DNM2: variants seen among roughly 807,000 people sequenced by gnomAD.
DNM2 encodes the protein dynamin-2.
DNM2 carries 15 observed loss-of-function variants against 99.0 expected under a neutral mutation model. The ratio of observed to expected loss-of-function variants is 0.15; its 90% CI spans 0.10 to 0.23. The LOEUF is 0.23. Ranked by LOEUF, DNM2 falls within the 10% of genes least tolerant of loss-of-function variation. The pLI is 1.00. For missense variants in DNM2, 742 were observed against 1,189.4 expected, an observed-to-expected ratio of 0.62 and a Z score of 5.53; for synonymous variants, 525 against 481.2, an observed-to-expected ratio of 1.09 and a Z score of -1.19.
chr19:10,763,965 G>C (rs1217821030), intron 2 of DNM2, among the ~76,000 whole-genome samples: 1 of 152,100 alleles, frequency 6.6e-6, no homozygotes, highest in Non-Finnish European at 1.5e-5. Context: ...AGTCTAGACT[G>C]TCTTCCAGGC....
chr19:10,774,350 A>G (rs917045894), intron 3 of DNM2, among the ~76,000 whole-genome samples: 3 of 152,250 alleles, frequency 2.0e-5, no homozygotes, highest in Admixed American at 6.5e-5. Context: ...CATGTAAGCA[A>G]TTGTGATTGT....
At chr19:10,753,600 G>A (rs1186520647) in intron 1 of DNM2, among the ~76,000 whole-genome samples, 1 of 151,830 alleles carries the variant, frequency 6.6e-6, no homozygotes, top group Non-Finnish European at 1.5e-5. Flanking sequence ...ATAGCAGCAT[G>A]GATAGGCCAT....
At position 10,830,274 on chromosome 19, in the gene DNM2, T is replaced by C; in HGVS notation, c.2439T>C (p.Pro813=). The change falls in exon 20 of 21, where the codon CCT becomes CCC. Residue 813 remains proline, a synonymous_variant. Transcript: ENST00000389253. This position sits in a 1 kb window ranked among gnomAD's most constrained non-coding sequence, Gnocchi z 4.8. The part of the protein sequence containing the change: ...SFSAPPIPSR[P]GPQSVFANSD... Reference sequence around the variant, plus strand: ...CGGCGCCCCCAATCCCATCCCGGCCTGGACCCCAGAGCGTGTTTGCCAACA... The same window carrying C: ...CGGCGCCCCCAATCCCATCCCGGCCCGGACCCCAGAGCGTGTTTGCCAACA... 1.2e-6 allele frequency: 2 copies of C among 1,613,902 alleles called. No homozygotes were observed. The highest frequency in any genetic ancestry group is 2.2e-5 in the East Asian group (1 of 44,866).
At chr19:10,752,867 G>A (rs773408885) in intron 1 of DNM2, among the ~76,000 whole-genome samples, 4 of 152,206 alleles carry the variant, frequency 2.6e-5, no homozygotes, top group Non-Finnish European at 5.9e-5. Flanking sequence ...GTGGCCTGGT[G>A]TGGTGGCTCA....
chr19:10,818,399 C>T lies in DNM2; in HGVS notation c.1672-1581C>T, dbSNP rs1004803427. Among the ~76,000 whole-genome samples, 5 of 152,242 alleles carry T rather than the reference C, an allele frequency of 3.3e-5. No individual in the cohort carries two copies. Among genetic ancestry groups the T allele is most frequent in the African/African-American group, 1.2e-4 (5 of 41,464 alleles). Reference sequence around the variant, plus strand: ...CGGGTGCTCATGGGCACCAGCTCTGCAGTGGGCACCAAGCTCCTCCATCCT... The same window carrying T: ...CGGGTGCTCATGGGCACCAGCTCTGTAGTGGGCACCAAGCTCCTCCATCCT... On this transcript the variant is annotated intron_variant, in intron 15 of 20. Coordinates refer to ENST00000389253, the MANE Select transcript of DNM2 (RefSeq NM_001005361.3). The surrounding 1 kb of genome is among the most constrained non-coding windows in gnomAD (Gnocchi z 4.3).
intron 1 of DNM2, among the ~76,000 whole-genome samples, chr19:10,726,106 C>T (rs978926321): frequency 1.3e-5 from 2 of 151,828 alleles, no homozygotes; most frequent in African/African-American, 4.8e-5. Flanking sequence ...GTAGTCCCAG[C>T]TGCTCGGGAG....
At position 10,817,500 on chromosome 19, in the gene DNM2, G is replaced by A; in HGVS notation, c.1672-2480G>A. ...GTAGTCTGAACACTGGGTTGGCGGGGCCGGCTATCCATCCTGCAGAACCCC... is the reference window on the plus strand; with the variant it reads ...GTAGTCTGAACACTGGGTTGGCGGGACCGGCTATCCATCCTGCAGAACCCC... On this transcript the variant is annotated intron_variant, in intron 15 of 20. Coordinates refer to ENST00000389253, the MANE Select transcript of DNM2 (RefSeq NM_001005361.3). This position sits in a 1 kb window ranked among gnomAD's most constrained non-coding sequence, Gnocchi z 4.6. The A allele has an allele frequency of 2.2e-6, 1 of 458,584 alleles. No individual in the cohort carries two copies. Among genetic ancestry groups the A allele is most frequent in the Non-Finnish European group, 4.5e-6 (1 of 222,584 alleles). The allele number at this position is 458,584 out of a possible 1,614,324, so 28.4% of individuals were successfully genotyped here.
intron 1 of DNM2, among the ~76,000 whole-genome samples, chr19:10,722,627 G>A (rs57579358): frequency 0.045 from 6,801 of 152,160 alleles, 177 homozygotes; most frequent in African/African-American, 0.069. Context: ...ACAGGCGTGA[G>A]CCACCGCGCC....
rs144218224 is a variant in DNM2, at chr19:10,799,333, CTT to C, written c.1422+762_1422+763del. ...TCCCACAACGTAAGGCCCATTGACT[CTT>C]GACTCCCTTCCTGCCACCCTTCTTC... On this transcript the variant is annotated intron_variant, in intron 11 of 20. Transcript: ENST00000389253. Among the ~76,000 whole-genome samples, 562 of 152,262 alleles carry C rather than the reference CTT, an allele frequency of 3.7e-3. 3 individuals are homozygous for C. Among genetic ancestry groups the C allele is most frequent in the African/African-American group, 0.012 (512 of 41,540 alleles).
chr19:10,741,799 C>T (rs1156691150), intron 1 of DNM2, among the ~76,000 whole-genome samples: 1 of 151,596 alleles, frequency 6.6e-6, no homozygotes, highest in East Asian at 1.9e-4. Context: ...GATCCACCCG[C>T]CTCTGCCTCC....
intron 2 of DNM2, chr19:10,769,195 C>G (rs2070896463): frequency 6.6e-6 from 1 of 152,428 alleles, no homozygotes; most frequent in African/African-American, 2.4e-5. Context: ...CTCATACAGC[C>G]TGTTATGATG....
chr19:10,745,561 G>A (rs954704602), intron 1 of DNM2, among the ~76,000 whole-genome samples: 2 of 152,190 alleles, frequency 1.3e-5, no homozygotes, highest in African/African-American at 2.4e-5. Context: ...GCTGGGCGTG[G>A]TGGCAAGTGC....
chr19:10,812,881 T>A lies in DNM2; in HGVS notation c.1671+504T>A, dbSNP rs554228865. Among the ~76,000 whole-genome samples, 14 of 152,286 alleles carry A rather than the reference T, an allele frequency of 9.2e-5. No homozygotes were observed. In the East Asian group the frequency reaches 2.7e-3, roughly 29 times the overall value. ...AGGCTTACATTGTACCTGGCCCCCA[T>A]GGGACCAGCTCCTAGAGTGCAAAAG... On this transcript the variant is annotated intron_variant, in intron 15 of 20. Transcript: ENST00000389253. The surrounding 1 kb of genome is among the most constrained non-coding windows in gnomAD (Gnocchi z 4.0).
intron 1 of DNM2, among the ~76,000 whole-genome samples, chr19:10,758,906 G>A (rs553077683): frequency 4.6e-5 from 7 of 152,106 alleles, no homozygotes; most frequent in South Asian, 2.1e-4. Flanking sequence ...CCGCGAAATC[G>A]ATCCATTTCA....
At chr19:10,747,660 T>G (rs1218106660) in intron 1 of DNM2, among the ~76,000 whole-genome samples, 2 of 152,230 alleles carry the variant, frequency 1.3e-5, no homozygotes, top group South Asian at 4.1e-4. Context: ...TGCCTGGGTG[T>G]GTGTTGGGTA....
At chr19:10,786,531 C>T (rs1021028961) in intron 6 of DNM2, 33 bp from the exon 7 acceptor site, 2 of 1,613,462 alleles carry the variant, frequency 1.2e-6, no homozygotes, top group African/African-American at 2.7e-5. Flanking sequence ...CTGCCCATGC[C>T]ACCCTTTCTG....
At chr19:10,759,897 G>A (rs1262248989) in intron 2 of DNM2, 86 bp downstream of exon 2, 2 of 1,557,062 alleles carry the variant, frequency 1.3e-6, no homozygotes, top group Non-Finnish European at 1.8e-6. Context: ...GGTGGAACTT[G>A]GGTCCTGGGC....
intron 1 of DNM2, among the ~76,000 whole-genome samples, chr19:10,758,585 C>T (rs1599492736): frequency 1.5e-5 from 2 of 132,180 alleles, no homozygotes; most frequent in South Asian, 5.9e-4. Flanking sequence ...CTTGCTCTGT[C>T]GCCCAGGCTG....
At position 10,775,970 on chromosome 19, in the gene DNM2, TC is replaced by T. The variant is rs1404970511; in HGVS notation, c.589+66del. The T allele has an allele frequency of 2.5e-6, 4 of 1,581,638 alleles. No homozygotes were observed. Among genetic ancestry groups the T allele is most frequent in the Admixed American group, 1.7e-5 (1 of 57,966 alleles). ...CTCTGAGCATGGGATGTGCCCAGCA[TC>T]CTTGGTTCCAAGTCACTGGCGTTCT... On this transcript the variant is annotated intron_variant, in intron 4 of 20. Transcript: ENST00000389253. The surrounding 1 kb of genome is among the most constrained non-coding windows in gnomAD (Gnocchi z 4.3).
Sources: allele counts gnomAD v4.1 joint callset (sites outside exome capture counted in the v4.1 genomes callset), GRCh38; gene constraint gnomAD v4.1.1; non-coding constraint Gnocchi (gnomAD v3.1); transcripts MANE v1.5; gene names NCBI Gene and HGNC (gene_info 2026-07-23, HGNC 2026-07-21).